Variants in COL4A5 observed in about 807,000 individuals in gnomAD.
The protein encoded by COL4A5 is collagen alpha-5(IV) chain.
In COL4A5, 26 loss-of-function variants were observed where a neutral mutation model predicts 130.2. The ratio of observed to expected loss-of-function variants is 0.20; its 90% CI spans 0.15 to 0.28. The LOEUF is 0.28. COL4A5 is among the 10% of genes least tolerant of loss of function. COL4A5 has a pLI of 1.00. For missense variants in COL4A5, 1,131 were observed against 1,344.3 expected, an observed-to-expected ratio of 0.84 and a Z score of 2.48; for synonymous variants, 496 against 439.6, an observed-to-expected ratio of 1.13 and a Z score of -1.60.
chrX:108,612,292 C>T (rs1300093838), intron 29 of COL4A5, among the ~76,000 whole-genome samples: 1 of 110,298 alleles, frequency 9.1e-6, no homozygotes, highest in African/African-American at 3.3e-5. Flanking sequence ...TATTGGAAGT[C>T]CTAGCCAATG....
In COL4A5 at chrX:108,537,916, A is replaced by G. The variant is rs140070537; in HGVS notation, c.82-1830A>G. ...AATCAGTATCTTCTTGTGAAACGGT[A>G]TCTTCTAAATTTTATAAAATCCATA... On this transcript the variant is annotated intron_variant, in intron 1 of 52. Coordinates refer to ENST00000328300, the MANE Select transcript of COL4A5 (RefSeq NM_033380.3). Among the ~76,000 whole-genome samples, 599 of 112,001 alleles carry G rather than the reference A, an allele frequency of 5.3e-3. 3 individuals are homozygous for G. Among genetic ancestry groups the G allele is most frequent in the African/African-American group, 0.018 (556 of 30,929 alleles).
chrX:108,603,671 A>T (rs1033203078), intron 28 of COL4A5, among the ~76,000 whole-genome samples: 4 of 111,454 alleles, frequency 3.6e-5, no homozygotes, highest in African/African-American at 9.8e-5. Flanking sequence ...CATTTTTTTA[A>T]ATAAGACAAC....
At chrX:108,632,155 G>A (rs1315720981) in intron 36 of COL4A5, among the ~76,000 whole-genome samples, 3 of 111,070 alleles carry the variant, frequency 2.7e-5, no homozygotes, top group Non-Finnish European at 5.7e-5. Flanking sequence ...TATCATCACC[G>A]ATCCCACAGA....
chrX:108,657,561 G>A (rs1026052667), intron 37 of COL4A5, among the ~76,000 whole-genome samples: 5 of 111,353 alleles, frequency 4.5e-5, no homozygotes, highest in African/African-American at 1.6e-4. Flanking sequence ...TAACTCTCTA[G>A]GTAAGGTAGA....
chrX:108,686,613 GATA>G (rs1245116383), intron 48 of COL4A5, among the ~76,000 whole-genome samples: 2 of 111,787 alleles, frequency 1.8e-5, no homozygotes, highest in African/African-American at 6.5e-5. Flanking sequence ...AGGTGCTCCT[GATA>G]ATATTGAGTC....
chrX:108,678,050 C>T (rs781643224), intron 44 of COL4A5, among the ~76,000 whole-genome samples: 3 of 111,873 alleles, frequency 2.7e-5, no homozygotes, highest in Non-Finnish European at 5.6e-5. Context: ...CTGCACACTT[C>T]TGCTTTGTAT....
chrX:108,624,689 CCTG>C (rs2067118267), intron 34 of COL4A5, among the ~76,000 whole-genome samples: 1 of 111,899 alleles, frequency 8.9e-6, no homozygotes, highest in Admixed American at 9.5e-5. Context: ...TTCATCTTGT[CCTG>C]CTTTTTTTTC....
At chrX:108,459,946 T>G (rs2064626054) in intron 1 of COL4A5, among the ~76,000 whole-genome samples, 1 of 112,313 alleles carries the variant, frequency 8.9e-6, no homozygotes, top group Admixed American at 9.4e-5. Context: ...GTCTTAACTT[T>G]GGCCACTGTT....
At chrX:108,452,301 G>A (rs1353132864) in intron 1 of COL4A5, among the ~76,000 whole-genome samples, 2 of 111,642 alleles carry the variant, frequency 1.8e-5, no homozygotes, top group East Asian at 2.8e-4. Flanking sequence ...TTGACTTGGC[G>A]ATGCTGGCTC....
At chrX:108,537,273 T>G (rs1450862589) in intron 1 of COL4A5, among the ~76,000 whole-genome samples, 1 of 111,375 alleles carries the variant, frequency 9.0e-6, no homozygotes, top group African/African-American at 3.3e-5. Context: ...AACCTATGAG[T>G]ACCAGAGTCA....
In COL4A5 at chrX:108,575,924, C is replaced by A; in HGVS notation, c.561C>A (p.Pro187=). Reference sequence around the variant, plus strand: ...CTTTATAACAGGGCCTACCTGGTCCCACTGGTATACCAGGGCCAATTGGTC... The same window carrying A: ...CTTTATAACAGGGCCTACCTGGTCCAACTGGTATACCAGGGCCAATTGGTC... ...GPPGIQGLPG[P]TGIPGPIGPP... is the part of the protein sequence containing the mutation. Residue 187 remains proline (P), a synonymous_variant, in exon 10 of 53, where the codon CCC becomes CCA. Transcript: ENST00000328300. 3 of 1,188,694 alleles carry A rather than the reference C, an allele frequency of 2.5e-6. No homozygotes were observed. Among genetic ancestry groups the A allele is most frequent in the Non-Finnish European group, 3.4e-6 (3 of 876,848 alleles).
intron 1 of COL4A5, among the ~76,000 whole-genome samples, chrX:108,516,564 A>G (rs184496570): frequency 8.9e-6 from 1 of 111,841 alleles, no homozygotes; most frequent in East Asian, 2.8e-4. Flanking sequence ...AAGCTGCAGT[A>G]CTGTCAATAG....
At chrX:108,461,637 G>T (rs1308112232) in intron 1 of COL4A5, among the ~76,000 whole-genome samples, 1 of 109,948 alleles carries the variant, frequency 9.1e-6, no homozygotes, top group African/African-American at 3.3e-5. Context: ...TTTCGCTCTT[G>T]TCATCCAGGC....
chrX:108,682,308 G>T (rs2068449080), intron 47 of COL4A5, among the ~76,000 whole-genome samples: 1 of 111,996 alleles, frequency 8.9e-6, no homozygotes, highest in South Asian at 3.7e-4. Context: ...TAGGCATTTG[G>T]ATTGGTTCCA....
chrX:108,675,359 A>T (rs1441972135), intron 43 of COL4A5, among the ~76,000 whole-genome samples: 1 of 111,299 alleles, frequency 9.0e-6, no homozygotes, highest in Non-Finnish European at 1.9e-5. Context: ...AATGGAGTAG[A>T]GGGTCATAAA....
At chrX:108,669,174 C>A (rs2068146517) in intron 41 of COL4A5, among the ~76,000 whole-genome samples, 1 of 111,782 alleles carries the variant, frequency 8.9e-6, no homozygotes, top group African/African-American at 3.2e-5. Flanking sequence ...TGTGTCATTT[C>A]ATTTTACTAA....
intron 36 of COL4A5, among the ~76,000 whole-genome samples, chrX:108,637,928 C>T (rs1569501503): frequency 9.2e-6 from 1 of 108,408 alleles, no homozygotes; most frequent in Non-Finnish European, 1.9e-5. Flanking sequence ...AGTTACGGCT[C>T]ACTGCAGCCT....
At chrX:108,645,755 G>C (rs760019036) in intron 36 of COL4A5, among the ~76,000 whole-genome samples, 2 of 78,294 alleles carry the variant, frequency 2.6e-5, no homozygotes, top group African/African-American at 9.9e-5. Flanking sequence ...AACAGTCCCT[G>C]ATGTGTGATG....
chrX:108,646,138 C>T (rs908849328), intron 36 of COL4A5, among the ~76,000 whole-genome samples: 48 of 110,827 alleles, frequency 4.3e-4, no homozygotes, highest in Admixed American at 1.9e-4. Context: ...AGTTCTAGAA[C>T]CCTGAGGAAT....
Sources: allele counts gnomAD v4.1 joint callset (sites outside exome capture counted in the v4.1 genomes callset), GRCh38; gene constraint gnomAD v4.1.1; transcripts MANE v1.5; gene names NCBI Gene and HGNC (gene_info 2026-07-23, HGNC 2026-07-21).